Variants in COL24A1 observed in about 807,000 individuals in gnomAD.
COL24A1 encodes collagen type XXIV alpha 1 chain.
COL24A1 carries 224 observed loss-of-function variants against 253.9 expected under a neutral mutation model. The observed-to-expected ratio is 0.88, with a 90% confidence interval of 0.79 to 0.99. The LOEUF (loss-of-function observed/expected upper bound fraction) is 0.99. COL24A1 is among the 50% of genes least tolerant of loss of function. COL24A1 has a pLI of 0.00. For synonymous variants in COL24A1, 685 were observed against 673.7 expected (o/e 1.02, Z -0.26); for missense variants, 2,131 against 2,068.5 (o/e 1.03, Z -0.59).
chr1:85,891,347 A>G (rs896607688), intron 31 of COL24A1, among the ~76,000 whole-genome samples: 1 of 151,656 alleles, frequency 6.6e-6, no homozygotes, highest in Non-Finnish European at 1.5e-5. Context: ...TACAGGCGTG[A>G]GCCTCTGCGC....
intron 9 of COL24A1, 109 bp from the exon 10 acceptor site, chr1:86,058,084 A>G: frequency 1.3e-6 from 1 of 789,068 alleles, no homozygotes; most frequent in Non-Finnish European, 2.0e-6. Flanking sequence ...AAACTATAGA[A>G]TTCAGAACTC....
At chr1:85,799,405 A>C (rs1570665900) in intron 47 of COL24A1, among the ~76,000 whole-genome samples, 1 of 130,310 alleles carries the variant, frequency 7.7e-6, no homozygotes, top group Admixed American at 7.6e-5. Context: ...AAAAAAAAAA[A>C]ACCAATGGAA....
chr1:85,786,544 G>C, intron 47 of COL24A1, 83 bp from the exon 48 acceptor site: 1 of 1,295,102 alleles, frequency 7.7e-7, no homozygotes, highest in Non-Finnish European at 1.1e-6. Context: ...AGGAAGAGTT[G>C]TGCCCCGAAA....
chr1:85,848,468 T>C (rs763755964), intron 38 of COL24A1, among the ~76,000 whole-genome samples: 1 of 151,996 alleles, frequency 6.6e-6, no homozygotes, highest in Non-Finnish European at 1.5e-5. Flanking sequence ...CATCAACACG[T>C]CCAGTTAATT....
intron 28 of COL24A1, among the ~76,000 whole-genome samples, chr1:85,901,352 TATC>T (rs1391182111): frequency 6.6e-6 from 1 of 152,060 alleles, no homozygotes; most frequent in Admixed American, 6.6e-5. Flanking sequence ...CACAATAAGA[TATC>T]ATCATATCAC....
At chr1:86,152,924 G>A (rs1177023984) in intron 1 of COL24A1, among the ~76,000 whole-genome samples, 1 of 152,030 alleles carries the variant, frequency 6.6e-6, no homozygotes, top group East Asian at 1.9e-4. Context: ...CCAAAATCAA[G>A]AAAAGTCAAG....
At chr1:86,074,442 C>T (rs1020959576) in intron 7 of COL24A1, among the ~76,000 whole-genome samples, 1 of 152,052 alleles carries the variant, frequency 6.6e-6, no homozygotes, top group Non-Finnish European at 1.5e-5. Flanking sequence ...TACAGGAGTA[C>T]CCGGATTCAT....
Position 86,082,440 on chromosome 1 carries a change from T to C in COL24A1, c.1707+6734A>G, listed in dbSNP as rs1192070084. On this transcript the variant is annotated intron_variant, in intron 7 of 59. Coordinates refer to ENST00000370571, the MANE Select transcript of COL24A1 (RefSeq NM_152890.7). ...GGTGCAGTATCATTAGGATAACTTCTGCTCATCCTCAAGAATCATCTTAGA... is the reference window on the plus strand; with the variant it reads ...GGTGCAGTATCATTAGGATAACTTCCGCTCATCCTCAAGAATCATCTTAGA... Among the ~76,000 whole-genome samples, 4 of 152,144 alleles carry C rather than the reference T, an allele frequency of 2.6e-5. No individual in the cohort carries two copies. The East Asian group carries it at 7.7e-4, about 29-fold the overall frequency.
At chr1:85,842,868 T>C (rs1030721431) in intron 39 of COL24A1, among the ~76,000 whole-genome samples, 1 of 152,136 alleles carries the variant, frequency 6.6e-6, no homozygotes, top group South Asian at 2.1e-4. Context: ...AAAAGGGAAA[T>C]GGTTGACAAC....
rs559833303 is a variant in COL24A1 at position 85,756,295 on chromosome 1, T to C, written c.4437+5101A>G. ...TTAGCCAGGCGTGGTGGAGGGCACC[T>C]GTAATCCCAGCTACTCAGGAGGCTG... On this transcript the variant is annotated intron_variant, in intron 55 of 59. Transcript: ENST00000370571. 7.2e-5 allele frequency among the ~76,000 whole-genome samples: 11 copies of C among 152,076 alleles called. No individual in the cohort carries two copies. The East Asian group carries it at 1.5e-3, about 21-fold the overall frequency.
intron 19 of COL24A1, among the ~76,000 whole-genome samples, chr1:86,016,682 T>C (rs473232): frequency 0.31 from 47,361 of 152,144 alleles, 7,897 homozygotes; most frequent in Middle Eastern, 0.51. Flanking sequence ...AGAAGGCCAC[T>C]GTATATCAAC....
intron 55 of COL24A1, among the ~76,000 whole-genome samples, chr1:85,747,246 T>C (rs1156584024): frequency 6.6e-6 from 1 of 151,794 alleles, no homozygotes; most frequent in Non-Finnish European, 1.5e-5. Context: ...CCCAAGTAGC[T>C]GTGACTACAG....
At chr1:85,946,407 T>C (rs1411673853) in intron 24 of COL24A1, among the ~76,000 whole-genome samples, 3 of 152,122 alleles carry the variant, frequency 2.0e-5, no homozygotes, top group African/African-American at 7.2e-5. Flanking sequence ...ATATGCTGAG[T>C]CATGTGAGTC....
At chr1:85,969,595 A>G (rs1691928998) in intron 22 of COL24A1, among the ~76,000 whole-genome samples, 1 of 112,850 alleles carries the variant, frequency 8.9e-6, no homozygotes, top group South Asian at 3.4e-4. Context: ...ACAGAGTGAG[A>G]CTCTGTCTCA....
chr1:86,048,490 C>A (rs1000892512), intron 11 of COL24A1, among the ~76,000 whole-genome samples: 127 of 149,966 alleles, frequency 8.5e-4, no homozygotes, highest in African/African-American at 3.0e-3. Context: ...TAAGACAGGT[C>A]TTGATTTTTT....
Position 86,125,141 on chromosome 1 carries a change from G to T in COL24A1, c.1195C>A (p.Gln399Lys). 6.2e-7 allele frequency: 1 copy of T among 1,613,348 alleles called. No individual in the cohort carries two copies. The highest frequency in any genetic ancestry group is 8.5e-7 in the Non-Finnish European group (1 of 1,179,706). ...TTAGTAATTGTATCTTGTTTAATTT[G>T]TGGAAGAATAGATGGCATCTTCTTA... ...LFKKMPSILPQIKQDTITNLK... is the reference protein window; with the variant it reads ...LFKKMPSILPKIKQDTITNLK... Residue 399 changes from glutamine (Q) to lysine (K), a missense_variant, in exon 3 of 60, where the codon CAA becomes AAA. Physicochemically the swap from Gln to Lys is moderately conservative, Grantham distance 53. Transcript: ENST00000370571.
At chr1:85,782,054 TA>T (rs1461248324) in intron 51 of COL24A1, among the ~76,000 whole-genome samples, 1 of 152,216 alleles carries the variant, frequency 6.6e-6, no homozygotes, top group Non-Finnish European at 1.5e-5. Flanking sequence ...ATTACCATGA[TA>T]ATACTCCTCT....
In COL24A1 at chr1:86,029,616, T is replaced by A. The variant is rs1339836171; in HGVS notation, c.2049+2262A>T. ...TATTTATTTTTATTTATTTGATTTT[T>A]TTTTTTTTTTTTTTAGAGAGATGGG... On this transcript the variant is annotated intron_variant, in intron 14 of 59. Coordinates refer to ENST00000370571, the MANE Select transcript of COL24A1 (RefSeq NM_152890.7). Among the ~76,000 whole-genome samples, 528 of 149,158 alleles carry A rather than the reference T, an allele frequency of 3.5e-3. 7 individuals are homozygous for A. The highest frequency in any genetic ancestry group is 0.012 in the African/African-American group (506 of 40,884).
At chr1:85,784,998 T>C (rs1669532455) in intron 48 of COL24A1, among the ~76,000 whole-genome samples, 1 of 152,138 alleles carries the variant, frequency 6.6e-6, no homozygotes, top group Non-Finnish European at 1.5e-5. Context: ...CCCAAAGTGG[T>C]AGAATTACAA....
Sources: gnomAD v4.1 joint callset for allele counts (sites outside exome capture counted in the v4.1 genomes callset) on GRCh38, gnomAD v4.1.1 for gene constraint, MANE v1.5 for transcripts, NCBI Gene and HGNC (gene_info 2026-07-23, HGNC 2026-07-21) for gene names.